The following AKAP6 variants were observed in gnomAD, a reference collection of about 807,000 sequenced individuals.
AKAP6 encodes the protein A-kinase anchor protein 6.
A neutral mutation model predicts 188.5 loss-of-function variants in AKAP6; 58 were observed. That is an observed-to-expected ratio of 0.31 (90% CI 0.25 to 0.38). The LOEUF (loss-of-function observed/expected upper bound fraction) is 0.38. Among genes scored for constraint, AKAP6 ranks in the 10% least tolerant of loss-of-function variants. The pLI, the probability that AKAP6 is intolerant of heterozygous loss-of-function variation, is 1.00. For synonymous variants in AKAP6, 989 were observed against 998.6 expected, an observed-to-expected ratio of 0.99 and a Z score of 0.18; for missense variants, 2,710 against 2,740.0, an observed-to-expected ratio of 0.99 and a Z score of 0.24.
At chr14:32,464,913 A>T (rs1878314017) in intron 2 of AKAP6, among the ~76,000 whole-genome samples, 1 of 152,234 alleles carries the variant, frequency 6.6e-6, no homozygotes, top group Non-Finnish European at 1.5e-5. Context: ...ATACAAAATC[A>T]ATGTGCAAAA....
At chr14:32,419,167 G>A (rs963722455) in intron 1 of AKAP6, among the ~76,000 whole-genome samples, 4 of 152,198 alleles carry the variant, frequency 2.6e-5, no homozygotes, top group East Asian at 1.9e-4. Flanking sequence ...TTGAAAAGCC[G>A]ACATAGTAGA....
rs983108280 is a variant in AKAP6, at chr14:32,578,937, C to T, written c.2469+1695C>T. On this transcript the variant is annotated intron_variant, in intron 5 of 13. Transcript: ENST00000280979. ...GGCATCCTTATGTTAGCCTCTACTT[C>T]CTTCTAGCCCAATGCAGTTCACTGG... is the stretch of plus-strand genomic sequence containing the variant. Among the ~76,000 whole-genome samples, 15 of 152,224 alleles carry T rather than the reference C, an allele frequency of 9.9e-5. No homozygotes were observed. The East Asian group carries it at 2.9e-3, about 29-fold the overall frequency.
chr14:32,535,533 T>C (rs969213399), intron 2 of AKAP6, 21 bp from the exon 3 acceptor site: 1 of 1,605,422 alleles, frequency 6.2e-7, no homozygotes, highest in Non-Finnish European at 8.5e-7. Flanking sequence ...TCCTCACATA[T>C]GTTGCTTTTC....
intron 1 of AKAP6, among the ~76,000 whole-genome samples, chr14:32,368,485 A>G (rs974190402): frequency 6.6e-6 from 1 of 152,056 alleles, no homozygotes; most frequent in Non-Finnish European, 1.5e-5. Flanking sequence ...GTGCGAGGAC[A>G]TTTCCTAACT....
chr14:32,470,234 T>C (rs930806966), intron 2 of AKAP6, among the ~76,000 whole-genome samples: 5 of 152,146 alleles, frequency 3.3e-5, no homozygotes, highest in African/African-American at 1.2e-4. Context: ...CTGTTAGAAA[T>C]GCAGGATTCT....
intron 2 of AKAP6, among the ~76,000 whole-genome samples, chr14:32,448,883 G>C (rs1890842216): frequency 6.6e-6 from 1 of 152,030 alleles, no homozygotes. Context: ...GATTCTACAA[G>C]GGAGATATTA....
intron 4 of AKAP6, among the ~76,000 whole-genome samples, chr14:32,556,044 C>T (rs1001375629): frequency 3.3e-5 from 5 of 151,576 alleles, no homozygotes; most frequent in African/African-American, 1.2e-4. Flanking sequence ...AAAGTAGTTA[C>T]ACCATTTTAC....
At position 32,443,404 on chromosome 14, in the gene AKAP6, AAAC is replaced by A. The variant is rs1371383762; in HGVS notation, c.324+9590_324+9592del. 7.7e-4 allele frequency among the ~76,000 whole-genome samples: 57 copies of A among 74,244 alleles called. No individual in the cohort carries two copies. In the East Asian group the frequency reaches 0.019, roughly 25 times the overall value. The allele number at this position is 74,244 out of a possible 152,430, so 48.7% of individuals were successfully genotyped here. The stretch of plus-strand genomic sequence containing the variant: ...TAAGACTCCATCTCAAAACAAAACA[AAAC>A]AAAAAAAAAACAAAAAAACAAAAAA... On this transcript the variant is annotated intron_variant, in intron 2 of 13. Coordinates refer to ENST00000280979, the MANE Select transcript of AKAP6 (RefSeq NM_004274.5).
intron 11 of AKAP6, among the ~76,000 whole-genome samples, chr14:32,765,708 T>TA (rs35137560): frequency 0.57 from 81,711 of 142,650 alleles, 23,870 homozygotes; most frequent in Admixed American, 0.7. Context: ...AGCCATAACT[T>TA]AAAAAAAAAA....
At chr14:32,393,587 A>G (rs181404664) in intron 1 of AKAP6, among the ~76,000 whole-genome samples, 6 of 152,298 alleles carry the variant, frequency 3.9e-5, no homozygotes, top group Non-Finnish European at 8.8e-5. Flanking sequence ...CTGTGGTTGT[A>G]TAAGATGTTG....
chr14:32,732,802 C>T lies in AKAP6; in HGVS notation c.3147+202C>T, dbSNP rs1248030079. On this transcript the variant is annotated intron_variant, in intron 10 of 13. Coordinates refer to ENST00000280979, the MANE Select transcript of AKAP6 (RefSeq NM_004274.5). ...TTTTTTTTTTTTCTGAGCTTGTCCCCTCTCAGATTTTAATAATTTTGGTTC... is the reference window on the plus strand; with the variant it reads ...TTTTTTTTTTTTCTGAGCTTGTCCCTTCTCAGATTTTAATAATTTTGGTTC... 4.7e-6 allele frequency: 3 copies of T among 641,462 alleles called. No individual in the cohort carries two copies. In the Admixed American group the frequency reaches 9.0e-5, roughly 19 times the overall value. 39.7% of individuals were successfully genotyped at this position (641,462 alleles called of 1,614,324 possible). A position where few individuals can be genotyped will look rare whatever the true frequency, so the allele number is the denominator to read the frequency against.
chr14:32,414,509 A>G (rs529266031), intron 1 of AKAP6, among the ~76,000 whole-genome samples: 5 of 152,222 alleles, frequency 3.3e-5, no homozygotes, highest in South Asian at 2.1e-4. Context: ...TATTATTTAT[A>G]TTTATGTCAG....
intron 1 of AKAP6, among the ~76,000 whole-genome samples, chr14:32,415,320 G>A (rs927153080): frequency 6.6e-6 from 1 of 152,088 alleles, no homozygotes; most frequent in South Asian, 2.1e-4. Context: ...GTTATCTTAA[G>A]ACTTTCATTA....
At chr14:32,363,540 A>G (rs1248805654) in intron 1 of AKAP6, among the ~76,000 whole-genome samples, 1 of 152,208 alleles carries the variant, frequency 6.6e-6, no homozygotes, top group African/African-American at 2.4e-5. Flanking sequence ...TCACTGGTGT[A>G]AGTCCAAGAG....
chr14:32,396,291 G>A (rs1888877026), intron 1 of AKAP6, among the ~76,000 whole-genome samples: 1 of 152,142 alleles, frequency 6.6e-6, no homozygotes, highest in Admixed American at 6.6e-5. Flanking sequence ...AGCTTTCACT[G>A]CCATGTCAAG....
intron 11 of AKAP6, among the ~76,000 whole-genome samples, chr14:32,757,541 A>G (rs1385128754): frequency 6.6e-6 from 1 of 152,238 alleles, no homozygotes; most frequent in Non-Finnish European, 1.5e-5. Context: ...TGTATGTAAG[A>G]ATGGAGAGGT....
At chr14:32,504,447 A>G (rs1410741571) in intron 2 of AKAP6, among the ~76,000 whole-genome samples, 1 of 151,866 alleles carries the variant, frequency 6.6e-6, no homozygotes, top group East Asian at 1.9e-4. Flanking sequence ...CACCTGGCTA[A>G]TTTTTGTATT....
At position 32,546,882 on chromosome 14, in the gene AKAP6, A is replaced by G. The variant is rs778721486; in HGVS notation, c.2229A>G (p.Arg743=). The change falls in exon 4 of 14, where the codon AGA becomes AGG. Residue 743 remains arginine, a synonymous_variant. Transcript: ENST00000280979. The part of the protein sequence containing the change: ...MKKYADEKSE[R]ASSSEKNESH... ...AGTATGCTGATGAGAAGTCAGAAAG[A>G]GCTTCATCCTCTGAGAAAAATGAGA... The G allele has an allele frequency of 1.2e-6, 2 of 1,614,112 alleles. No individual in the cohort carries two copies. Among genetic ancestry groups the G allele is most frequent in the Admixed American group, 3.3e-5 (2 of 60,024 alleles).
intron 1 of AKAP6, among the ~76,000 whole-genome samples, chr14:32,372,119 C>T (rs1325909798): frequency 2.6e-5 from 4 of 152,134 alleles, no homozygotes; most frequent in Non-Finnish European, 5.9e-5. Flanking sequence ...AACAAATAAA[C>T]TGCTGTACAG....
Sources: allele counts gnomAD v4.1 joint callset (sites outside exome capture counted in the v4.1 genomes callset), GRCh38; gene constraint gnomAD v4.1.1; transcripts MANE v1.5; gene names NCBI Gene and HGNC (gene_info 2026-07-23, HGNC 2026-07-21).